Variants in CES5A observed in about 807,000 individuals in gnomAD.
CES5A encodes carboxylesterase 5A, also known as carboxylesterase 5.
Under a neutral mutation model 62.9 loss-of-function variants are expected in CES5A, and 67 were observed. The observed-to-expected ratio is 1.07, with a 90% CI of 0.88 to 1.31. CES5A has a LOEUF of 1.31. Ranked by LOEUF, CES5A falls within the 50% of genes most tolerant of loss-of-function variation. CES5A has a pLI of 0.00. For missense variants in CES5A, 748 were observed against 708.5 expected, an observed-to-expected ratio of 1.06 and a Z score of -0.63; for synonymous variants, 296 against 280.8, an observed-to-expected ratio of 1.05 and a Z score of -0.54.
In CES5A at chr16:55,873,968, A is replaced by G; in HGVS notation, c.143T>C (p.Leu48Pro). 1.2e-6 allele frequency: 2 copies of G among 1,613,182 alleles called. No individual in the cohort carries two copies. The highest frequency in any genetic ancestry group is 1.7e-6 in the Non-Finnish European group (2 of 1,179,798). ...GWIQGKQVTV[L>P]GSPVPVNVFL... ...CACGTTCACAGGCACAGGGCTTCCC[A>G]GCACAGTGACTTGCTTGCCCTGAAT... The change falls in exon 2 of 13, where the codon CTG becomes CCG. Residue 48 changes from leucine to proline, a missense_variant. By Grantham distance (98) the Leu-to-Pro change is moderately conservative (BLOSUM62 -3). Coordinates refer to ENST00000290567, the MANE Select transcript of CES5A (RefSeq NM_001143685.2).
At chr16:55,857,818 T>C (rs2033273664) in intron 8 of CES5A, among the ~76,000 whole-genome samples, 1 of 152,166 alleles carries the variant, frequency 6.6e-6, no homozygotes, top group Admixed American at 6.5e-5. Flanking sequence ...TAGCCCTATT[T>C]CACAGATGAA....
chr16:55,908,092 A>G (rs1250119689), intron 1 of CES5A, among the ~76,000 whole-genome samples: 1 of 151,890 alleles, frequency 6.6e-6, no homozygotes, highest in Admixed American at 6.6e-5. Context: ...TTGAAGAACC[A>G]TCTCCTCCTT....
At chr16:55,936,253 G>A (rs540250801) in intron 2 of CES5A, among the ~76,000 whole-genome samples, 52 of 152,244 alleles carry the variant, frequency 3.4e-4, no homozygotes, top group African/African-American at 1.3e-3. Context: ...AAGAATTAAT[G>A]GAAGAGAAAG....
intron 4 of CES5A, among the ~76,000 whole-genome samples, chr16:55,867,645 A>T (rs543256475): frequency 6.6e-6 from 1 of 151,998 alleles, no homozygotes; most frequent in Non-Finnish European, 1.5e-5. Context: ...CCATTTCTCC[A>T]TCTCTGTTTA....
At position 55,846,815 on chromosome 16, in the gene CES5A, T is replaced by C. The variant is rs2033022287; in HGVS notation, c.1449A>G (p.Leu483=). ...MFEGATEEEK[L]LSRKMMKYWA... Reference sequence around the variant, plus strand: ...AGTATTTCATCATCTTCCGGCTCAGTAACTTCTCCTCCTCCGTGGCTCCTT... The same window carrying C: ...AGTATTTCATCATCTTCCGGCTCAGCAACTTCTCCTCCTCCGTGGCTCCTT... The change falls in exon 12 of 13, where the codon TTA becomes TTG. Residue 483 remains leucine, a synonymous_variant. Coordinates refer to ENST00000290567, the MANE Select transcript of CES5A (RefSeq NM_001143685.2). 6.2e-7 allele frequency: 1 copy of C among 1,614,002 alleles called. No individual in the cohort carries two copies. Among genetic ancestry groups the C allele is most frequent in the Non-Finnish European group, 8.5e-7 (1 of 1,180,006 alleles).
Position 55,854,544 on chromosome 16 carries a change from C to CTTTTTTTTTTTTTTTTTTTTTTTT in CES5A, c.1126-1517_1126-1516insAAAAAAAAAAAAAAAAAAAAAAAA, listed in dbSNP as rs56017491. 3.9e-3 allele frequency among the ~76,000 whole-genome samples: 249 copies of CTTTTTTTTTTTTTTTTTTTTTTTT among 64,374 alleles called. 27 individuals carry two copies. Among genetic ancestry groups the CTTTTTTTTTTTTTTTTTTTTTTTT allele is most frequent in the African/African-American group, 5.5e-3 (78 of 14,298 alleles). The allele number at this position is 64,374 out of a possible 152,430, so 42.2% of individuals were successfully genotyped here. ...CCTGTAGTGTTTCTTTTTTTTTTTTCTTTTTTTTTTTTTGAGACAGAGTCT... is the reference window on the plus strand; with the variant it reads ...CCTGTAGTGTTTCTTTTTTTTTTTTCTTTTTTTTTTTTTTTTTTTTTTTTTTTTTTTTTTTTTGAGACAGAGTCT... On this transcript the variant is annotated intron_variant, in intron 9 of 12. Coordinates refer to ENST00000290567, the MANE Select transcript of CES5A (RefSeq NM_001143685.2).
At chr16:55,904,740 G>A (rs907249862) in intron 1 of CES5A, among the ~76,000 whole-genome samples, 12 of 152,112 alleles carry the variant, frequency 7.9e-5, no homozygotes, top group Non-Finnish European at 1.3e-4. Flanking sequence ...AAAGTAAATC[G>A]TAAGTGGAGG....
chr16:55,857,190 T>C (rs2033260076), intron 8 of CES5A, among the ~76,000 whole-genome samples: 1 of 152,122 alleles, frequency 6.6e-6, no homozygotes, highest in Admixed American at 6.5e-5. Context: ...GCTGAGAACT[T>C]GGCAAGGGAC....
upstream of CES5A, among the ~76,000 whole-genome samples, chr16:55,876,549 C>A (rs1187362446): frequency 6.6e-6 from 1 of 151,948 alleles, no homozygotes; most frequent in African/African-American, 2.4e-5. Flanking sequence ...GCCCTGACTC[C>A]CCCTCTTAGA....
At position 55,871,680 on chromosome 16, in the gene CES5A, C is replaced by T. The variant is rs1237690084; in HGVS notation, c.362G>A (p.Cys121Tyr). 2 of 1,614,170 alleles carry T rather than the reference C, an allele frequency of 1.2e-6. No individual in the cohort carries two copies. The highest frequency in any genetic ancestry group is 8.5e-7 in the Non-Finnish European group (1 of 1,180,018). Residue 121 changes from cysteine to tyrosine, a missense_variant, in exon 3 of 13, where the codon TGC (cysteine) becomes TAC (tyrosine). Physicochemically the swap from Cys to Tyr is radical, Grantham distance 194. Coordinates refer to ENST00000290567, the MANE Select transcript of CES5A (RefSeq NM_001143685.2). ...AGGCGCATAGATGTTCAGGTAGAGGCAGTCTTCTGACACTCCGAATTTCGG... is the reference window on the plus strand; with the variant it reads ...AGGCGCATAGATGTTCAGGTAGAGGTAGTCTTCTGACACTCCGAATTTCGG... Reference protein sequence around the residue: ...HYPKFGVSEDCLYLNIYAPAH... With the variant: ...HYPKFGVSEDYLYLNIYAPAH...
rs201216412 is a variant in CES5A at position 55,852,887 on chromosome 16, G to T, written c.1267C>A (p.His423Asn). Residue 423 changes from histidine (H) to asparagine (N), a missense_variant, in exon 10 of 13, where the codon CAC becomes AAC. His to Asn is a moderately conservative substitution (Grantham distance 68). Coordinates refer to ENST00000290567, the MANE Select transcript of CES5A (RefSeq NM_001143685.2). ...VVPALITARY[H>N]RDAGAPVYFY... The stretch of plus-strand genomic sequence containing the variant: ...GGGATGCTCAGATACTCACCTCTGT[G>T]ATATCGAGCTGTGATCAGTGCAGGG... The T allele has an allele frequency of 6.2e-7, 1 of 1,612,860 alleles. No homozygotes were observed.
intron 10 of CES5A, among the ~76,000 whole-genome samples, chr16:55,850,032 T>G (rs1027620632): frequency 4.6e-5 from 7 of 152,374 alleles, no homozygotes; most frequent in African/African-American, 1.7e-4. Flanking sequence ...CAAGATCTAC[T>G]TTGTTGGGAC....
At chr16:55,905,381 T>C (rs2034030383) in intron 1 of CES5A, among the ~76,000 whole-genome samples, 2 of 151,732 alleles carry the variant, frequency 1.3e-5, no homozygotes, top group South Asian at 4.2e-4. Context: ...CTTTTTTTTT[T>C]TTTGAGATGG....
At position 55,865,955 on chromosome 16, in the gene CES5A, G is replaced by T; in HGVS notation, c.705+8C>A. 1.2e-6 allele frequency: 2 copies of T among 1,614,152 alleles called. No individual in the cohort carries two copies. The highest frequency in any genetic ancestry group is 1.7e-6 in the Non-Finnish European group (2 of 1,180,012). ...AGATTCATTCAAACCACAAAGCAGA[G>T]AACTCACAAGACTAGAAACACTTAT... On this transcript the variant is annotated splice_region_variant and intron_variant, in intron 5 of 12. Transcript: ENST00000290567.
intron 1 of CES5A, among the ~76,000 whole-genome samples, chr16:55,893,351 A>G (rs1476474544): frequency 1.3e-5 from 2 of 152,172 alleles, no homozygotes; most frequent in Non-Finnish European, 2.9e-5. Context: ...AAACAAGAAA[A>G]TGTGACCCAT....
intron 1 of CES5A, among the ~76,000 whole-genome samples, chr16:55,910,821 T>C (rs775136487): frequency 6.7e-6 from 1 of 148,694 alleles, no homozygotes; most frequent in Non-Finnish European, 1.5e-5. Context: ...CAGCTGCCCA[T>C]GGCCAGCACT....
At position 55,866,731 on chromosome 16, in the gene CES5A, G is replaced by A. The variant is rs55640309; in HGVS notation, c.552-615C>T. On this transcript the variant is annotated intron_variant, in intron 4 of 12. Coordinates refer to ENST00000290567, the MANE Select transcript of CES5A (RefSeq NM_001143685.2). ...CAGGCGCCTGTAGTCCCAGTTATTCGGGAGGCTGAGGCAGGAGAATGGCTT... is the reference window on the plus strand; with the variant it reads ...CAGGCGCCTGTAGTCCCAGTTATTCAGGAGGCTGAGGCAGGAGAATGGCTT... Among the ~76,000 whole-genome samples the A allele has an allele frequency of 5.2e-3, 793 of 151,280 alleles. 8 individuals carry two copies. Among genetic ancestry groups the A allele is most frequent in the African/African-American group, 0.015 (625 of 41,282 alleles).
intron 2 of CES5A, among the ~76,000 whole-genome samples, chr16:55,942,062 A>C (rs1354491426): frequency 6.6e-6 from 1 of 152,222 alleles, no homozygotes; most frequent in African/African-American, 2.4e-5. Context: ...TCTTCATTCC[A>C]TACACAAACA....
chr16:55,868,219 C>G (rs1381202257), intron 4 of CES5A, among the ~76,000 whole-genome samples: 1 of 152,180 alleles, frequency 6.6e-6, no homozygotes, highest in African/African-American at 2.4e-5. Flanking sequence ...GAATCTTATG[C>G]AGAATCCTAA....
Sources: allele counts gnomAD v4.1 joint callset (sites outside exome capture counted in the v4.1 genomes callset), GRCh38; gene constraint gnomAD v4.1.1; transcripts MANE v1.5; gene names NCBI Gene and HGNC (gene_info 2026-07-23, HGNC 2026-07-21).